Variants in FASTK observed in about 807,000 individuals in gnomAD.
FASTK encodes Fas activated serine/threonine kinase.
Under a neutral mutation model 60.0 loss-of-function variants are expected in FASTK, and 28 were observed. The observed-to-expected ratio is 0.47, with a 90% CI of 0.35 to 0.64. FASTK has a LOEUF of 0.64. FASTK is among the 30% of genes least tolerant of loss of function. FASTK has a pLI of 0.01. For synonymous variants in FASTK, 325 were observed against 307.9 expected (o/e 1.06, Z -0.58); for missense variants, 595 against 713.8 (o/e 0.83, Z 1.90).
rs534704710 is a variant in FASTK, at chr7:151,077,149, G to A, written c.1379C>T (p.Pro460Leu). 75 of 1,613,146 alleles carry A rather than the reference G, an allele frequency of 4.6e-5. No individual in the cohort carries two copies. In the Admixed American group the frequency reaches 1.2e-3, roughly 25 times the overall value. ...PFLPYPPRSC[P>L]QGQAASSATT... ...GGCGCTAGAGGCAGCCTGGCCCTGT[G>A]GGCAGGACCTTGGTGGGTATGGCAG... The change falls in exon 8 of 10, where the codon CCA becomes CTA. Residue 460 changes from proline (P) to leucine (L), a missense_variant. Physicochemically the swap from Pro to Leu is moderately conservative, Grantham distance 98 (BLOSUM62 -3). Around this residue, in one of 2 missense-constraint regions of FASTK, gnomAD observed 471 missense variants for 605.9 expected, o/e 0.78. Coordinates refer to ENST00000297532, the MANE Select transcript of FASTK (RefSeq NM_006712.5).
intron 1 of FASTK, 180 bp from the exon 2 acceptor site, chr7:151,080,102 C>A: frequency 1.6e-6 from 1 of 608,168 alleles, no homozygotes; most frequent in Non-Finnish European, 2.9e-6. Context: ...AAACAGCAAT[C>A]ATAATCCTCA....
In FASTK at chr7:151,078,838, G is replaced by A; in HGVS notation, c.685+4C>T. 1 of 1,608,004 alleles carries A rather than the reference G, an allele frequency of 6.2e-7. No individual in the cohort carries two copies. ...CCCCATCTGATTTTAACCCCCTCCA[G>A]CACCTGCCAGGCTGCTGATCAGATG... On this transcript the variant is annotated splice_donor_region_variant and intron_variant, in intron 3 of 9. Coordinates refer to ENST00000297532, the MANE Select transcript of FASTK (RefSeq NM_006712.5).
chr7:151,080,626 G>A lies in FASTK; in HGVS notation c.82+59C>T. 5 of 1,386,732 alleles carry A rather than the reference G, an allele frequency of 3.6e-6. No homozygotes were observed. In the South Asian group the frequency reaches 8.0e-5, roughly 22 times the overall value. 85.9% of individuals were successfully genotyped at this position (1,386,732 alleles called of 1,614,324 possible). On this transcript the variant is annotated intron_variant, in intron 1 of 9. Coordinates refer to ENST00000297532, the MANE Select transcript of FASTK (RefSeq NM_006712.5). Reference sequence around the variant, plus strand: ...GGGACGCCAGGAGACCGTGGCCGCTGCCGCTAACACCAGCTCCCGCTGCCC... The same window carrying A: ...GGGACGCCAGGAGACCGTGGCCGCTACCGCTAACACCAGCTCCCGCTGCCC...
Position 151,077,222 on chromosome 7 carries a change from C to A in FASTK, c.1306G>T (p.Ala436Ser), listed in dbSNP as rs576660474. 6.2e-7 allele frequency: 1 copy of A among 1,612,376 alleles called. No homozygotes were observed. The highest frequency in any genetic ancestry group is 8.5e-7 in the Non-Finnish European group (1 of 1,179,438). The change falls in exon 8 of 10, where the codon GCC (alanine) becomes TCC (serine). Residue 436 changes from alanine to serine, a missense_variant. Transcript: ENST00000297532. ...PGYCTDFLLC[A>S]SSSGAVLPVR... ...GGAAGCACAGCACCAGAGCTGCTGG[C>A]GCACAGCAGGAAGTCTGGAGGGGAG...
chr7:151,078,531 A>C lies in FASTK; in HGVS notation c.825+31T>G, dbSNP rs773757705. ...CTGACAAGGTCCCTGAGAATGACAG[A>C]GATGCACTGGAGGGTGGGTGGCAAG... On this transcript the variant is annotated intron_variant, in intron 4 of 9. Transcript: ENST00000297532. The C allele has an allele frequency of 2.5e-6, 4 of 1,608,550 alleles. No homozygotes were observed. In the South Asian group the frequency reaches 4.4e-5, roughly 18 times the overall value.
chr7:151,076,863 C>T lies in FASTK; in HGVS notation c.1543-31G>A, dbSNP rs145106916. ...GGGAGAGGAGAGGGCGGCAGGTTAC[C>T]CGCAGGCTGGGAGTGAGGATGCGCC... On this transcript the variant is annotated intron_variant, in intron 9 of 9. Transcript: ENST00000297532. The T allele has an allele frequency of 1.8e-3, 2,810 of 1,601,198 alleles. 9 individuals carry two copies. The highest frequency in any genetic ancestry group is 3.7e-3 in the Middle Eastern group (22 of 6,026).
chr7:151,076,630 G>A lies in FASTK; in HGVS notation c.*95C>T. Reference sequence around the variant, plus strand: ...AAAACTGAGATTCACAACGGGGAAGGAAAGGAACTTTAATGAGAAATCAAA... The same window carrying A: ...AAAACTGAGATTCACAACGGGGAAGAAAAGGAACTTTAATGAGAAATCAAA... On this transcript the variant is annotated 3_prime_UTR_variant, in exon 10 of 10. Coordinates refer to ENST00000297532, the MANE Select transcript of FASTK (RefSeq NM_006712.5). 1 of 894,502 alleles carries A rather than the reference G, an allele frequency of 1.1e-6. No individual in the cohort carries two copies. The highest frequency in any genetic ancestry group is 1.7e-6 in the Non-Finnish European group (1 of 597,190). 55.4% of individuals were successfully genotyped at this position (894,502 alleles called of 1,614,324 possible). A position where few individuals can be genotyped will look rare whatever the true frequency, so the allele number is the denominator to read the frequency against.
At chr7:151,076,883 T>G in intron 9 of FASTK, 30 bp downstream of exon 9, 2 of 1,599,286 alleles carry the variant, frequency 1.3e-6, no homozygotes, top group East Asian at 2.3e-5. Context: ...GGAGTGAGGA[T>G]GCGCCACGGG....
Position 151,079,767 on chromosome 7 carries a change from C to G in FASTK, c.238G>C (p.Gly80Arg), listed in dbSNP as rs1215031922. Residue 80 changes from glycine to arginine, a missense_variant, in exon 2 of 10, where the codon GGT (glycine) becomes CGT (arginine). Physicochemically the swap from Gly to Arg is moderately radical, Grantham distance 125 (BLOSUM62 -2). Coordinates refer to ENST00000297532, the MANE Select transcript of FASTK (RefSeq NM_006712.5). The part of the protein sequence containing the change: ...DRPVGGGPSA[G>R]PVQGLQRLLE... ...AGCCGCTGCAGTCCTTGCACAGGAC[C>G]TGCACTGGGGCCTCCTCCAACAGGC... 6.2e-7 allele frequency: 1 copy of G among 1,601,488 alleles called. No individual in the cohort carries two copies. The highest frequency in any genetic ancestry group is 8.5e-7 in the Non-Finnish European group (1 of 1,174,346).
At chr7:151,078,471 G>A in intron 4 of FASTK, 91 bp downstream of exon 4, 3 of 1,442,968 alleles carry the variant, frequency 2.1e-6, no homozygotes, top group Non-Finnish European at 2.9e-6. Flanking sequence ...GTCTGCTTCA[G>A]GAAAAGGATA....
At chr7:151,080,230 C>T in intron 1 of FASTK, 1 of 391,660 alleles carries the variant, frequency 2.6e-6, no homozygotes, top group Non-Finnish European at 4.6e-6. Flanking sequence ...GGTGGAGAAA[C>T]GCAGGCCCAG....
Position 151,078,718 on chromosome 7 carries a change from G to C in FASTK, c.686-17C>G. On this transcript the variant is annotated splice_polypyrimidine_tract_variant and intron_variant, in intron 3 of 9. Coordinates refer to ENST00000297532, the MANE Select transcript of FASTK (RefSeq NM_006712.5). The stretch of plus-strand genomic sequence containing the variant: ...GCCTTGCCTCTGTGAAGAGCAGCCT[G>C]TCACGCTGGGCCTCAGCCGGACCTC... 2 of 1,612,362 alleles carry C rather than the reference G, an allele frequency of 1.2e-6. No individual in the cohort carries two copies. Among genetic ancestry groups the C allele is most frequent in the Non-Finnish European group, 1.7e-6 (2 of 1,179,728 alleles).
Position 151,079,669 on chromosome 7 carries a change from G to A in FASTK, c.336C>T (p.His112=). Reference sequence around the variant, plus strand: ...GACGACGAAGCGCCACCGAGTAGTGGTGGGCGCGCACCTTGCTGGGGTTCT... The same window carrying A: ...GACGACGAAGCGCCACCGAGTAGTGATGGGCGCGCACCTTGCTGGGGTTCT... ...LGQNPSKVRA[H]HYSVALRRLG... Residue 112 remains histidine (H), a synonymous_variant, in exon 2 of 10, where the codon CAC becomes CAT. Coordinates refer to ENST00000297532, the MANE Select transcript of FASTK (RefSeq NM_006712.5). 6.2e-7 allele frequency: 1 copy of A among 1,611,694 alleles called. No individual in the cohort carries two copies. Among genetic ancestry groups the A allele is most frequent in the Non-Finnish European group, 8.5e-7 (1 of 1,179,280 alleles).
intron 7 of FASTK, 35 bp from the exon 8 acceptor site, chr7:151,077,271 G>A (rs1563374843): frequency 6.2e-7 from 1 of 1,611,852 alleles, no homozygotes. Flanking sequence ...CTTAGCCAGG[G>A]CTCCGTCTCC....
intron 4 of FASTK, 102 bp downstream of exon 4, chr7:151,078,460 T>C: frequency 7.6e-7 from 1 of 1,312,570 alleles, no homozygotes; most frequent in Non-Finnish European, 1.1e-6. Flanking sequence ...AGAGAGGGTG[T>C]GTCTGCTTCA....
At chr7:151,080,184 G>T in intron 1 of FASTK, 2 of 479,204 alleles carry the variant, frequency 4.2e-6, no homozygotes, top group Non-Finnish European at 7.4e-6. Flanking sequence ...ACACGCCCAT[G>T]AAGAGTAGGC....
At chr7:151,078,177 C>T in intron 4 of FASTK, 85 bp from the exon 5 acceptor site, 1 of 1,065,726 alleles carries the variant, frequency 9.4e-7, no homozygotes, top group Non-Finnish European at 1.4e-6. Context: ...AGGCTTAGCC[C>T]TCAGGTTTAC....
At chr7:151,078,495 A>G (rs1797795294) in intron 4 of FASTK, 67 bp downstream of exon 4, 8 of 1,553,086 alleles carry the variant, frequency 5.2e-6, no homozygotes, top group Non-Finnish European at 7.1e-6. Flanking sequence ...GAGCTGCACG[A>G]GGCGCTGGGC....
At chr7:151,078,396 A>G (rs1206481984) in intron 4 of FASTK, among the ~76,000 whole-genome samples, 166 bp downstream of exon 4, 2 of 152,224 alleles carry the variant, frequency 1.3e-5, no homozygotes, top group African/African-American at 4.8e-5. Flanking sequence ...TGCTGCTGAC[A>G]GGAGGTGGGC....
Sources: gnomAD v4.1 joint callset for allele counts (sites outside exome capture counted in the v4.1 genomes callset) on GRCh38, gnomAD v4.1.1 for gene constraint, gnomAD v4.1.1 regional missense constraint, MANE v1.5 for transcripts, NCBI Gene and HGNC (gene_info 2026-07-23, HGNC 2026-07-21) for gene names.